Variants in KIAA0825 observed in about 807,000 individuals in gnomAD.
KIAA0825 encodes uncharacterized protein KIAA0825.
A neutral mutation model predicts 147.6 loss-of-function variants in KIAA0825; 119 were observed. The ratio of observed to expected loss-of-function variants is 0.81; its 90% CI spans 0.69 to 0.94. The LOEUF is 0.94. Ranked by LOEUF, KIAA0825 falls within the 40% of genes least tolerant of loss-of-function variation. KIAA0825 has a pLI of 0.00. For synonymous variants in KIAA0825, 470 were observed against 518.1 expected, an observed-to-expected ratio of 0.91 and a Z score of 1.26; for missense variants, 1,381 against 1,472.7, an observed-to-expected ratio of 0.94 and a Z score of 1.02.
intron 2 of KIAA0825, among the ~76,000 whole-genome samples, chr5:94,575,345 G>A (rs181172297): frequency 6.6e-6 from 1 of 151,630 alleles, no homozygotes; most frequent in Non-Finnish European, 1.5e-5. Context: ...AATAGGAAGA[G>A]GATGTGGCCA....
intron 2 of KIAA0825, among the ~76,000 whole-genome samples, chr5:94,577,638 A>G (rs1450917751): frequency 6.6e-6 from 1 of 152,162 alleles, no homozygotes; most frequent in East Asian, 1.9e-4. Context: ...CTTTCCAAAA[A>G]CATGCCAACT....
intron 5 of KIAA0825, among the ~76,000 whole-genome samples, chr5:94,503,104 A>T (rs935131592): frequency 3.4e-4 from 51 of 149,530 alleles, no homozygotes; most frequent in African/African-American, 1.1e-3. Flanking sequence ...TATATATATA[A>T]AATTAGCATA....
chr5:94,320,183 A>C (rs1354180129), intron 20 of KIAA0825, among the ~76,000 whole-genome samples: 1 of 151,932 alleles, frequency 6.6e-6, no homozygotes, highest in Admixed American at 6.6e-5. Context: ...TTACTACCTG[A>C]CATTATGTTA....
intron 20 of KIAA0825, among the ~76,000 whole-genome samples, chr5:94,221,796 T>C (rs1436257296): frequency 6.6e-6 from 1 of 152,192 alleles, no homozygotes; most frequent in African/African-American, 2.4e-5. Flanking sequence ...TACAGAGGTC[T>C]CTGTCTTTAT....
chr5:94,442,585 A>G (rs1757225914), intron 13 of KIAA0825, among the ~76,000 whole-genome samples: 1 of 152,172 alleles, frequency 6.6e-6, no homozygotes, highest in African/African-American at 2.4e-5. Flanking sequence ...CTAAAAATCT[A>G]AAACAGATCC....
intron 20 of KIAA0825, among the ~76,000 whole-genome samples, chr5:94,371,823 C>T (rs1053262147): frequency 6.6e-6 from 1 of 152,130 alleles, no homozygotes; most frequent in Non-Finnish European, 1.5e-5. Context: ...AGTCTTAATT[C>T]ACTCCAACAT....
At chr5:94,405,889 C>T (rs1751991857) in intron 15 of KIAA0825, among the ~76,000 whole-genome samples, 1 of 152,006 alleles carries the variant, frequency 6.6e-6, no homozygotes, top group African/African-American at 2.4e-5. Flanking sequence ...TCTGACTCTC[C>T]CTTTTCTACT....
chr5:94,255,447 C>T (rs1008454057), intron 20 of KIAA0825, among the ~76,000 whole-genome samples: 3 of 151,926 alleles, frequency 2.0e-5, no homozygotes, highest in Admixed American at 2.0e-4. Flanking sequence ...GGCAGCTTGG[C>T]ATAGCTATGG....
At chr5:94,525,323 C>T (rs1769066706) in intron 3 of KIAA0825, among the ~76,000 whole-genome samples, 1 of 151,796 alleles carries the variant, frequency 6.6e-6, no homozygotes, top group African/African-American at 2.4e-5. Flanking sequence ...GTGTGGGTTG[C>T]CTATAAAACA....
intron 1 of KIAA0825, among the ~76,000 whole-genome samples, chr5:94,589,657 A>C (rs910773117): frequency 7.9e-5 from 12 of 152,168 alleles, no homozygotes; most frequent in Non-Finnish European, 1.2e-4. Flanking sequence ...TATTTTGATT[A>C]TATCTCCTTG....
chr5:94,393,164 T>G (rs1311150588), intron 17 of KIAA0825, among the ~76,000 whole-genome samples: 4 of 152,184 alleles, frequency 2.6e-5, no homozygotes, highest in African/African-American at 9.7e-5. Context: ...CCTCTCCGGA[T>G]TTGGGACTGC....
At chr5:94,575,172 T>C (rs1274167652) in intron 2 of KIAA0825, among the ~76,000 whole-genome samples, 2 of 152,190 alleles carry the variant, frequency 1.3e-5, no homozygotes, top group African/African-American at 2.4e-5. Flanking sequence ...CTTTATCCTG[T>C]ACATAAGAGG....
chr5:94,275,774 T>A lies in KIAA0825; in HGVS notation c.3710+108594A>T, dbSNP rs1160786829. Among the ~76,000 whole-genome samples, 3 of 152,234 alleles carry A rather than the reference T, an allele frequency of 2.0e-5. No individual in the cohort carries two copies. In the East Asian group the frequency reaches 5.8e-4, roughly 29 times the overall value. ...CAGGTAGTCCTTTGAGGCTCATCAG[T>A]AGCATCATTTACACAGCTCGCATTG... is the stretch of plus-strand genomic sequence containing the variant. On this transcript the variant is annotated intron_variant, in intron 20 of 20. Transcript: ENST00000682413.
intron 17 of KIAA0825, among the ~76,000 whole-genome samples, chr5:94,395,060 A>G (rs113791557): frequency 2.3e-3 from 346 of 152,338 alleles, no homozygotes; most frequent in African/African-American, 8.0e-3. Flanking sequence ...AATGCCTATC[A>G]GTTCCAAGCT....
intron 20 of KIAA0825, among the ~76,000 whole-genome samples, chr5:94,281,847 T>C (rs1453907040): frequency 2.6e-5 from 4 of 152,138 alleles, no homozygotes; most frequent in African/African-American, 9.6e-5. Flanking sequence ...CGGAGACCTA[T>C]CTGTGGTCTC....
intron 20 of KIAA0825, among the ~76,000 whole-genome samples, chr5:94,339,888 C>G (rs184464108): frequency 6.6e-6 from 1 of 152,172 alleles, no homozygotes; most frequent in Admixed American, 6.5e-5. Context: ...ACTTAAAAAG[C>G]AATCTAAAAT....
At chr5:94,270,918 C>A (rs1256952332) in intron 20 of KIAA0825, among the ~76,000 whole-genome samples, 1 of 152,018 alleles carries the variant, frequency 6.6e-6, no homozygotes, top group Non-Finnish European at 1.5e-5. Context: ...TGGCTTATAT[C>A]CACAAAGTTG....
intron 20 of KIAA0825, among the ~76,000 whole-genome samples, chr5:94,277,342 T>G (rs1777266853): frequency 6.6e-6 from 1 of 151,740 alleles, no homozygotes; most frequent in Non-Finnish European, 1.5e-5. Context: ...TGGGAGAAAA[T>G]TTTTGCAATC....
chr5:94,417,399 G>A (rs1316132769), intron 14 of KIAA0825, 34 bp from the exon 15 acceptor site: 3 of 1,504,508 alleles, frequency 2.0e-6, no homozygotes, highest in Admixed American at 4.1e-5. Flanking sequence ...GAATCAAAAT[G>A]ATTTAGTAAG....
Sources: gnomAD v4.1 joint callset for allele counts (sites outside exome capture counted in the v4.1 genomes callset) on GRCh38, gnomAD v4.1.1 for gene constraint, MANE v1.5 for transcripts, NCBI Gene and HGNC (gene_info 2026-07-23, HGNC 2026-07-21) for gene names.